Variants in POM121 observed in about 807,000 individuals in gnomAD.
POM121 encodes the protein POM121 transmembrane nucleoporin, also known as nuclear envelope pore membrane protein POM 121.
A neutral mutation model predicts 81.3 loss-of-function variants in POM121; 32 were observed. The ratio of observed to expected loss-of-function variants is 0.39; its 90% CI spans 0.30 to 0.53. The LOEUF (loss-of-function observed/expected upper bound fraction) is 0.53, where lower values mean the gene tolerates loss of function less well. POM121 is among the 20% of genes least tolerant of loss of function. The pLI is 0.66. For missense variants in POM121, 1,138 were observed against 1,614.6 expected (o/e 0.70, Z 5.06); for synonymous variants, 514 against 694.2 (o/e 0.74, Z 4.08).
chr7:72,894,483 C>T (rs1791652742), intron 3 of POM121, among the ~76,000 whole-genome samples: 3 of 151,222 alleles, frequency 2.0e-5, no homozygotes, highest in Admixed American at 1.3e-4. Flanking sequence ...GAGGCTGAGG[C>T]AGGAGAATCG....
At chr7:72,894,840 T>C (rs1468269929) in intron 3 of POM121, among the ~76,000 whole-genome samples, 2 of 151,942 alleles carry the variant, frequency 1.3e-5, no homozygotes, top group African/African-American at 4.8e-5. Context: ...TTAAAAGTTT[T>C]AGGTAAAAAT....
In POM121 at chr7:72,948,262, C is replaced by T. The variant is rs1797832593; in HGVS notation, c.*2028C>T. 7.5e-6 allele frequency: 11 copies of T among 1,471,462 alleles called. No homozygotes were observed. The South Asian group carries it at 1.1e-4, about 15-fold the overall frequency. The allele number at this position is 1,471,462 out of a possible 1,614,324, so 91.2% of individuals were successfully genotyped here. A position where few individuals can be genotyped will look rare whatever the true frequency, so the allele number is the denominator to read the frequency against. ...GTATGAATGTGAGATTTTTCTCCTG[C>T]TTGTGACATTAAGAATAAAAAACTG... On this transcript the variant is annotated 3_prime_UTR_variant, in exon 13 of 13. Transcript: ENST00000434423.
intron 3 of POM121, chr7:72,891,120 T>C (rs1306079770): frequency 1.0e-6 from 1 of 986,082 alleles, no homozygotes; most frequent in Non-Finnish European, 1.6e-6. Flanking sequence ...GGTAAGTTAG[T>C]AGAGTATCAA....
At chr7:72,881,586 T>C (rs1554489308) in intron 1 of POM121, among the ~76,000 whole-genome samples, 1 of 151,800 alleles carries the variant, frequency 6.6e-6, no homozygotes. Flanking sequence ...TGTTCCTCAA[T>C]TTTATTTTAT....
Position 72,943,135 on chromosome 7 carries a change from G to A in POM121, c.3142G>A (p.Gly1048Ser), listed in dbSNP as rs145233186. ...FGLKATASAF[G>S]APASSQPAFG... ...GTTGAAAGCCACGGCTTCGGCCTTC[G>A]GCGCTCCCGCCAGCTCACAGCCCGC... Residue 1048 changes from glycine (G) to serine (S), a missense_variant, in exon 11 of 13, where the codon GGC becomes AGC. Transcript: ENST00000434423. 656 of 1,613,086 alleles carry A rather than the reference G, an allele frequency of 4.1e-4. 1 individual carries two copies. In the African/African-American group the frequency reaches 8.2e-3, roughly 20 times the overall value.
In POM121 at chr7:72,882,789, A is replaced by G. The variant is rs1297086289; in HGVS notation, c.-521+2904A>G. On this transcript the variant is annotated intron_variant, in intron 1 of 15. Transcript: ENST00000395270. The stretch of plus-strand genomic sequence containing the variant: ...TTTCCTCATTTCTGTTTCTCATTTC[A>G]CTTCTCAGTGTTTTCGTTTTGTCCT... Among the ~76,000 whole-genome samples, 3 of 152,158 alleles carry G rather than the reference A, an allele frequency of 2.0e-5. No individual in the cohort carries two copies. In the East Asian group the frequency reaches 5.8e-4, roughly 29 times the overall value.
At chr7:72,931,223 G>A (rs868996132) in intron 5 of POM121, among the ~76,000 whole-genome samples, 1 of 152,020 alleles carries the variant, frequency 6.6e-6, no homozygotes, top group South Asian at 2.1e-4. Flanking sequence ...TGGACTATGG[G>A]TTCCAAACTG....
At chr7:72,900,568 A>G (rs1554492498) in intron 3 of POM121, among the ~76,000 whole-genome samples, 1 of 151,768 alleles carries the variant, frequency 6.6e-6, no homozygotes, top group African/African-American at 2.4e-5. Flanking sequence ...GCAGTGGCGC[A>G]ATCTTGGCTC....
At position 72,948,010 on chromosome 7, in the gene POM121, G is replaced by C; in HGVS notation, c.*1776G>C. On this transcript the variant is annotated 3_prime_UTR_variant, in exon 13 of 13. Transcript: ENST00000434423. ...AGGATTGGAGGGTCTGGGTGGGCCT[G>C]GGCCTAGCAATCAAGCTTCTACCTG... 2.6e-6 allele frequency: 3 copies of C among 1,140,272 alleles called. No individual in the cohort carries two copies. Among genetic ancestry groups the C allele is most frequent in the Non-Finnish European group, 3.3e-6 (3 of 922,642 alleles). The allele number at this position is 1,140,272 out of a possible 1,614,324, so 70.6% of individuals were successfully genotyped here.
intron 3 of POM121, among the ~76,000 whole-genome samples, chr7:72,897,908 A>T (rs1792129291): frequency 6.6e-6 from 1 of 152,176 alleles, no homozygotes; most frequent in Non-Finnish European, 1.5e-5. Context: ...AGTCCCAGGG[A>T]CTTGGGAGGC....
intron 2 of POM121, 98 bp from the exon 3 acceptor site, chr7:72,926,704 G>T (rs564579028): frequency 1.3e-6 from 2 of 1,525,360 alleles, no homozygotes; most frequent in African/African-American, 1.4e-5. Flanking sequence ...TTATACTTTG[G>T]CCTGTTGGTT....
chr7:72,922,763 C>T (rs1382146472), upstream of POM121, among the ~76,000 whole-genome samples: 1 of 152,122 alleles, frequency 6.6e-6, no homozygotes, highest in Non-Finnish European at 1.5e-5. Flanking sequence ...GTGTGTTCAT[C>T]TCTTGAACTC....
intron 3 of POM121, among the ~76,000 whole-genome samples, chr7:72,896,279 G>A (rs371606811): frequency 6.6e-6 from 1 of 152,040 alleles, no homozygotes; most frequent in East Asian, 1.9e-4. Flanking sequence ...GAGCCCAGGG[G>A]TTCGAGGTCA....
At chr7:72,932,603 C>A (rs2530495) in intron 5 of POM121, among the ~76,000 whole-genome samples, 31 of 151,604 alleles carry the variant, frequency 2.0e-4, no homozygotes, top group Admixed American at 1.1e-3. Context: ...AGGTTAAATG[C>A]GCATGTAATT....
chr7:72,899,246 A>G (rs1282956379), intron 3 of POM121, among the ~76,000 whole-genome samples: 1 of 151,840 alleles, frequency 6.6e-6, no homozygotes, highest in Non-Finnish European at 1.5e-5. Flanking sequence ...TGGCCTTCCA[A>G]AGTGCTGGGA....
chr7:72,948,689 A>G (rs543617646), downstream of POM121: 141 of 1,598,540 alleles, frequency 8.8e-5, no homozygotes, highest in South Asian at 1.5e-4. Context: ...GACCCGTTCA[A>G]TTACAGCAAC....
intron 3 of POM121, among the ~76,000 whole-genome samples, chr7:72,913,162 G>A (rs1793968415): frequency 6.6e-6 from 1 of 152,338 alleles, no homozygotes; most frequent in East Asian, 1.9e-4. Context: ...GGTATAAAAT[G>A]GGAGAAAATC....
At chr7:72,941,567 T>C (rs1222517992) in intron 10 of POM121, among the ~76,000 whole-genome samples, 1 of 149,740 alleles carries the variant, frequency 6.7e-6, no homozygotes, top group Non-Finnish European at 1.5e-5. Context: ...ATACGTGAAC[T>C]TCAGAGTTCA....
At chr7:72,949,423 C>G, downstream of POM121, 1 of 1,524,802 alleles carries the variant, frequency 6.6e-7, no homozygotes, top group Non-Finnish European at 9.1e-7. Flanking sequence ...GCAGGAGACG[C>G]CAGCCCAGGC....
Sources: gnomAD v4.1 joint callset for allele counts (sites outside exome capture counted in the v4.1 genomes callset) on GRCh38, gnomAD v4.1.1 for gene constraint, MANE v1.5 for transcripts, NCBI Gene and HGNC (gene_info 2026-07-23, HGNC 2026-07-21) for gene names.